ATXN10: variants seen among roughly 807,000 people sequenced by gnomAD.
ATXN10 encodes the protein ataxin-10.
Under a neutral mutation model 52.9 loss-of-function variants are expected in ATXN10, and 28 were observed. The ratio of observed to expected loss-of-function variants is 0.53; its 90% confidence interval spans 0.39 to 0.73. ATXN10 has a LOEUF of 0.73. Ranked by LOEUF, ATXN10 falls within the 30% of genes least tolerant of loss-of-function variation. The probability of loss-of-function intolerance (pLI) is 0.00; values close to 1 mark genes in which losing one functional copy is unlikely to be tolerated. For missense variants in ATXN10, 565 were observed against 577.0 expected (o/e 0.98, Z 0.21); for synonymous variants, 226 against 221.5 (o/e 1.02, Z -0.18).
intron 7 of ATXN10, chr22:45,734,351 T>TA (rs1925204889): frequency 8.0e-6 from 2 of 251,056 alleles, no homozygotes; most frequent in South Asian, 3.9e-5. Flanking sequence ...GGTTACTCTT[T>TA]AAAATGCATT....
chr22:45,695,244 C>A (rs554502693), intron 3 of ATXN10, among the ~76,000 whole-genome samples: 288 of 149,088 alleles, frequency 1.9e-3, no homozygotes, highest in Middle Eastern at 6.9e-3. Flanking sequence ...GAATGGCATG[C>A]ACCCAGGAGG....
intron 10 of ATXN10, among the ~76,000 whole-genome samples, chr22:45,829,310 T>C (rs1220283059): frequency 6.6e-6 from 1 of 152,210 alleles, no homozygotes; most frequent in Non-Finnish European, 1.5e-5. Flanking sequence ...GCTTTTTCTC[T>C]AAGATCGGGA....
Position 45,678,860 on chromosome 22 carries a change from AACT to A in ATXN10, c.116+6685_116+6687del, listed in dbSNP as rs1280356250. On this transcript the variant is annotated intron_variant, in intron 1 of 11. Transcript: ENST00000252934. This position sits in a 1 kb window ranked among gnomAD's most constrained non-coding sequence, Gnocchi z 4.1. ...AATTAACTATGTGTAGCTTACTTTG[AACT>A]ACTGACATAGGAGTAGCTCACATGC... The A allele has an allele frequency of 1.3e-5, 2 of 152,256 alleles. No individual in the cohort carries two copies. Among genetic ancestry groups the A allele is most frequent in the Non-Finnish European group, 2.9e-5 (2 of 68,044 alleles). The allele number at this position is 152,256 out of a possible 1,614,324, so 9.4% of individuals were successfully genotyped here. A position where few individuals can be genotyped will look rare whatever the true frequency, so the allele number is the denominator to read the frequency against.
At chr22:45,748,093 T>C (rs761128962) in intron 9 of ATXN10, among the ~76,000 whole-genome samples, 1 of 151,970 alleles carries the variant, frequency 6.6e-6, no homozygotes, top group Non-Finnish European at 1.5e-5. Context: ...GTGGGACGGT[T>C]GATTGAGCTC....
intron 1 of ATXN10, among the ~76,000 whole-genome samples, chr22:45,680,882 T>C (rs1922894573): frequency 6.6e-6 from 1 of 152,182 alleles, no homozygotes; most frequent in Non-Finnish European, 1.5e-5. Flanking sequence ...TTCATCTTCT[T>C]GATCTAAATG....
chr22:45,699,478 T>TC (rs768034987), intron 3 of ATXN10, among the ~76,000 whole-genome samples: 61 of 150,112 alleles, frequency 4.1e-4, no homozygotes, highest in Admixed American at 1.1e-3. Context: ...TTTTTTTTTT[T>TC]CTTTTTCTTT....
rs1260192648 is a variant in ATXN10, at chr22:45,727,414, A to G, written c.729-2011A>G. Among the ~76,000 whole-genome samples, 3 of 151,946 alleles carry G rather than the reference A, an allele frequency of 2.0e-5. No homozygotes were observed. Among genetic ancestry groups the G allele is most frequent in the African/African-American group, 4.8e-5 (2 of 41,342 alleles). ...CGCTCTGTTGCCCAGGCTGGGGTGC[A>G]GTGGCACGATCTTGGCTTACTGTAA... On this transcript the variant is annotated intron_variant, in intron 6 of 11. Coordinates refer to ENST00000252934, the MANE Select transcript of ATXN10 (RefSeq NM_013236.4). The surrounding 1 kb of genome is among the most constrained non-coding windows in gnomAD (Gnocchi z 4.6).
chr22:45,791,634 A>T (rs1927514256), intron 9 of ATXN10, among the ~76,000 whole-genome samples: 1 of 152,202 alleles, frequency 6.6e-6, no homozygotes, highest in Non-Finnish European at 1.5e-5. Context: ...AGTCTGCCTG[A>T]ACATGATGTA....
chr22:45,834,432 G>A (rs549921244), intron 10 of ATXN10, among the ~76,000 whole-genome samples: 8 of 152,280 alleles, frequency 5.3e-5, no homozygotes, highest in South Asian at 4.1e-4. Flanking sequence ...AAGCTCTGCC[G>A]GTGTGCTACT....
chr22:45,724,099 T>TA lies in ATXN10; in HGVS notation c.729-5325dup, dbSNP rs1924772535. On this transcript the variant is annotated intron_variant, in intron 6 of 11. Coordinates refer to ENST00000252934, the MANE Select transcript of ATXN10 (RefSeq NM_013236.4). ...GTTCATTCCTCAGTTGATGGGTACT[T>TA]ACATTGGTTCTATATCTTTGCAATT... 2.0e-5 allele frequency among the ~76,000 whole-genome samples: 3 copies of TA among 152,300 alleles called. 1 individual carries two copies. The South Asian group carries it at 6.2e-4, about 32-fold the overall frequency.
chr22:45,776,760 G>T (rs143187099), intron 9 of ATXN10, among the ~76,000 whole-genome samples: 4 of 152,306 alleles, frequency 2.6e-5, no homozygotes, highest in Admixed American at 1.3e-4. Flanking sequence ...ATCACGTGAT[G>T]CTTGGTATAT....
At chr22:45,737,042 A>G (rs1207692910) in intron 7 of ATXN10, among the ~76,000 whole-genome samples, 1 of 152,252 alleles carries the variant, frequency 6.6e-6, no homozygotes, top group African/African-American at 2.4e-5. Context: ...ACCAATCTTC[A>G]GAATAATGAG....
intron 7 of ATXN10, chr22:45,734,451 T>C (rs772325149): frequency 1.7e-5 from 4 of 233,236 alleles, no homozygotes; most frequent in Admixed American, 1.4e-4. Context: ...TTATTTCTGA[T>C]GTTCTGTTAG....
rs1213520811 is a variant in ATXN10, at chr22:45,712,024, TTGAC to T, written c.648-6386_648-6383del. On this transcript the variant is annotated intron_variant, in intron 5 of 11. Coordinates refer to ENST00000252934, the MANE Select transcript of ATXN10 (RefSeq NM_013236.4). This position sits in a 1 kb window ranked among gnomAD's most constrained non-coding sequence, Gnocchi z 4.6. ...TAAAAAAAAGTTTCTTCTGTAAACA[TTGAC>T]TGGCAAGGGTATTGAGAAGTTTGGG... Among the ~76,000 whole-genome samples, 1 of 152,220 alleles carries T rather than the reference TTGAC, an allele frequency of 6.6e-6. No individual in the cohort carries two copies. Among genetic ancestry groups the T allele is most frequent in the African/African-American group, 2.4e-5 (1 of 41,462 alleles).
At chr22:45,810,015 A>G (rs79675724) in intron 10 of ATXN10, among the ~76,000 whole-genome samples, 159 of 152,230 alleles carry the variant, frequency 1.0e-3, no homozygotes, top group African/African-American at 3.7e-3. Context: ...GGTTATGATG[A>G]TAATAATATA....
At chr22:45,785,304 G>A (rs1004993436) in intron 9 of ATXN10, among the ~76,000 whole-genome samples, 1 of 152,096 alleles carries the variant, frequency 6.6e-6, no homozygotes, top group Admixed American at 6.5e-5. Flanking sequence ...TTAAAAATGG[G>A]GATCTTTCAT....
At chr22:45,702,989 G>T in intron 5 of ATXN10, 142 bp downstream of exon 5, 1 of 1,053,682 alleles carries the variant, frequency 9.5e-7, no homozygotes, top group Non-Finnish European at 1.4e-6. Context: ...AATTAGAGAA[G>T]ATTTTGAGCA....
At chr22:45,802,024 C>T (rs1022847005) in intron 9 of ATXN10, among the ~76,000 whole-genome samples, 7 of 152,172 alleles carry the variant, frequency 4.6e-5, no homozygotes, top group Non-Finnish European at 1.0e-4. Context: ...GTAGGTTTTC[C>T]CAAAGGAGCT....
chr22:45,820,011 G>T lies in ATXN10; in HGVS notation c.1237+12989G>T, dbSNP rs1464401315. Among the ~76,000 whole-genome samples, 3 of 152,178 alleles carry T rather than the reference G, an allele frequency of 2.0e-5. No homozygotes were observed. Among genetic ancestry groups the T allele is most frequent in the African/African-American group, 7.2e-5 (3 of 41,448 alleles). On this transcript the variant is annotated intron_variant, in intron 10 of 11. Coordinates refer to ENST00000252934, the MANE Select transcript of ATXN10 (RefSeq NM_013236.4). The surrounding 1 kb of genome is among the most constrained non-coding windows in gnomAD (Gnocchi z 4.9). ...GTGACCAAGGGCCTGGTCAAAACGT[G>T]AGTGTGTCACAGCCATTCAGCACTG...
Sources: allele counts gnomAD v4.1 joint callset (sites outside exome capture counted in the v4.1 genomes callset), GRCh38; gene constraint gnomAD v4.1.1; non-coding constraint Gnocchi (gnomAD v3.1); transcripts MANE v1.5; gene names NCBI Gene and HGNC (gene_info 2026-07-23, HGNC 2026-07-21).